The following NTM variants were observed in gnomAD, a reference collection of about 807,000 sequenced individuals.
The protein encoded by NTM is neurotrimin.
Under a neutral mutation model 42.1 loss-of-function variants are expected in NTM, and 13 were observed. The ratio of observed to expected loss-of-function variants is 0.31; its 90% CI spans 0.20 to 0.49. The LOEUF (loss-of-function observed/expected upper bound fraction) is 0.49, where lower values mean the gene tolerates loss of function less well. Ranked by LOEUF, NTM falls within the 20% of genes least tolerant of loss-of-function variation. The probability of loss-of-function intolerance (pLI) is 0.99; values close to 1 mark genes in which losing one functional copy is unlikely to be tolerated. For synonymous variants in NTM, 187 were observed against 179.2 expected, an observed-to-expected ratio of 1.04 and a Z score of -0.35; for missense variants, 373 against 452.8, an observed-to-expected ratio of 0.82 and a Z score of 1.60.
At chr11:131,796,786 T>C (rs764441094) in intron 1 of NTM, among the ~76,000 whole-genome samples, 5 of 152,124 alleles carry the variant, frequency 3.3e-5, no homozygotes, top group Non-Finnish European at 5.9e-5. Context: ...GTAACAGCAG[T>C]TCTCTGTCAT....
intron 1 of NTM, among the ~76,000 whole-genome samples, chr11:131,685,566 G>A (rs1375472116): frequency 2.6e-5 from 4 of 152,176 alleles, no homozygotes; most frequent in African/African-American, 9.7e-5. Context: ...CTTTTCTGCT[G>A]GCAGTGCTCC....
At chr11:131,826,861 C>G (rs750103122) in intron 1 of NTM, among the ~76,000 whole-genome samples, 1 of 152,070 alleles carries the variant, frequency 6.6e-6, no homozygotes, top group Non-Finnish European at 1.5e-5. Context: ...GTAGGAGTAG[C>G]GTGCTTGCAA....
At chr11:132,047,583 G>A (rs574804355) in intron 2 of NTM, among the ~76,000 whole-genome samples, 1 of 152,196 alleles carries the variant, frequency 6.6e-6, no homozygotes, top group South Asian at 2.1e-4. Context: ...GCGAGGCAGG[G>A]GAGTCAGCTA....
chr11:131,531,922 T>C (rs1344682760), intron 1 of NTM, among the ~76,000 whole-genome samples: 6 of 152,220 alleles, frequency 3.9e-5, no homozygotes, highest in African/African-American at 9.6e-5. Context: ...TGACAGCTCC[T>C]GCATTTCAAG....
At chr11:131,538,921 C>CTTTTTTTTTTTTT (rs58463755) in intron 1 of NTM, among the ~76,000 whole-genome samples, 4 of 102,424 alleles carry the variant, frequency 3.9e-5, no homozygotes, top group African/African-American at 6.8e-5. Flanking sequence ...GTTAACTTAG[C>CTTTTTTTTTTTTT]TTTTTTTTTT....
chr11:131,503,496 G>A (rs12418991), intron 1 of NTM, among the ~76,000 whole-genome samples: 27,486 of 151,646 alleles, frequency 0.18, 3,905 homozygotes, highest in African/African-American at 0.39. Flanking sequence ...TCATTGGGTC[G>A]TGTCAAGTCC....
intron 1 of NTM, among the ~76,000 whole-genome samples, chr11:131,886,578 A>C (rs2050434893): frequency 6.6e-6 from 1 of 152,192 alleles, no homozygotes; most frequent in African/African-American, 2.4e-5. Flanking sequence ...TAAACTGTCC[A>C]TTTGGTGGCT....
intron 7 of NTM, among the ~76,000 whole-genome samples, chr11:132,326,384 CAG>C (rs1294617982): frequency 6.6e-6 from 1 of 152,058 alleles, no homozygotes; most frequent in African/African-American, 2.4e-5. Context: ...ACTCAACTCA[CAG>C]AGAGAACACC....
chr11:132,041,231 T>TAGAGAGAGAGAG (rs10598969), intron 2 of NTM, among the ~76,000 whole-genome samples: 5 of 145,468 alleles, frequency 3.4e-5, no homozygotes, highest in African/African-American at 1.0e-4. Flanking sequence ...GAGAGATAGA[T>TAGAGAGAGAGAG]AGAGAGAGAG....
At chr11:131,598,767 T>TTC (rs1565685740) in intron 1 of NTM, among the ~76,000 whole-genome samples, 94 of 28,024 alleles carry the variant, frequency 3.4e-3, no homozygotes, top group Admixed American at 5.0e-3. Flanking sequence ...TCTTTCTTTT[T>TTC]TTCTTTCTTT....
chr11:131,593,829 A>T (rs542372615), intron 1 of NTM, among the ~76,000 whole-genome samples: 1 of 152,260 alleles, frequency 6.6e-6, no homozygotes, highest in Admixed American at 6.5e-5. Flanking sequence ...AGGTTGCTTT[A>T]TGATTATCTG....
intron 1 of NTM, chr11:131,540,541 A>G (rs1296128118): frequency 6.6e-6 from 1 of 152,154 alleles, no homozygotes; most frequent in African/African-American, 2.4e-5. Flanking sequence ...TTTCTGTGGA[A>G]ATTTGGGCAT....
intron 3 of NTM, among the ~76,000 whole-genome samples, chr11:132,189,776 T>C (rs964491425): frequency 5.3e-5 from 8 of 152,158 alleles, no homozygotes; most frequent in Non-Finnish European, 1.5e-5. Flanking sequence ...AATATGTCTT[T>C]TAGTACTGTA....
At chr11:131,511,644 C>T (rs2048267653) in intron 1 of NTM, among the ~76,000 whole-genome samples, 1 of 151,158 alleles carries the variant, frequency 6.6e-6, no homozygotes, top group South Asian at 2.1e-4. Context: ...GATTGATTTT[C>T]CTCCATTCCC....
chr11:132,100,515 A>G (rs567079198), intron 2 of NTM, among the ~76,000 whole-genome samples: 2 of 152,326 alleles, frequency 1.3e-5, no homozygotes, highest in African/African-American at 4.8e-5. Flanking sequence ...ATTACCAGCT[A>G]TAGAACTGGG....
chr11:131,410,239 G>A (rs564867921), intron 1 of NTM, among the ~76,000 whole-genome samples: 81 of 152,174 alleles, frequency 5.3e-4, no homozygotes, highest in African/African-American at 1.8e-3. Context: ...TGTATTCTCC[G>A]AGGTAAGTGG....
intron 1 of NTM, among the ~76,000 whole-genome samples, chr11:131,400,048 G>C (rs753573217): frequency 2.6e-5 from 4 of 151,820 alleles, no homozygotes; most frequent in Admixed American, 1.3e-4. Context: ...TGCCCTAACA[G>C]CTCATCATTG....
intron 2 of NTM, among the ~76,000 whole-genome samples, chr11:132,034,080 T>C (rs1383874249): frequency 5.3e-5 from 8 of 152,220 alleles, no homozygotes; most frequent in African/African-American, 1.7e-4. Flanking sequence ...TCAAAATACA[T>C]GACTTTCTTA....
Position 132,199,129 on chromosome 11 carries a change from A to G in NTM, c.401-12893A>G, listed in dbSNP as rs539451965. The stretch of plus-strand genomic sequence containing the variant: ...GGGAGAGGGCCTTGAATGACAAAGC[A>G]TGGGTTTTTAAATCATGTTATGTGG... On this transcript the variant is annotated intron_variant, in intron 3 of 8. Transcript: ENST00000683400. Among the ~76,000 whole-genome samples the G allele has an allele frequency of 3.3e-5, 5 of 151,988 alleles. No homozygotes were observed. The East Asian group carries it at 9.7e-4, about 29-fold the overall frequency.
Sources: gnomAD v4.1 joint callset for allele counts (sites outside exome capture counted in the v4.1 genomes callset) on GRCh38, gnomAD v4.1.1 for gene constraint, MANE v1.5 for transcripts, NCBI Gene and HGNC (gene_info 2026-07-23, HGNC 2026-07-21) for gene names.